ZNF451: variants seen among roughly 807,000 people sequenced by gnomAD.
The protein encoded by ZNF451 is E3 SUMO-protein ligase ZNF451.
ZNF451 carries 80 observed loss-of-function variants against 107.1 expected under a neutral mutation model. The observed-to-expected ratio is 0.75, with a 90% CI of 0.62 to 0.90. The LOEUF is 0.90. Among genes scored for constraint, ZNF451 ranks in the 40% least tolerant of loss-of-function variants. The probability of loss-of-function intolerance (pLI) is 0.00; values close to 1 mark genes in which losing one functional copy is unlikely to be tolerated. For synonymous variants in ZNF451, 362 were observed against 406.5 expected, an observed-to-expected ratio of 0.89 and a Z score of 1.32; for missense variants, 1,107 against 1,236.2, an observed-to-expected ratio of 0.90 and a Z score of 1.57.
At position 57,142,107 on chromosome 6, in the gene ZNF451, T is replaced by C. The variant is rs767235905; in HGVS notation, c.1004+12T>C. ...ACTGCCCATTTCAGGTTTGTATTGG[T>C]CTGGAGCTGTAAAGGAATACGGATG... is the stretch of plus-strand genomic sequence containing the variant. On this transcript the variant is annotated intron_variant, in intron 9 of 14. Coordinates refer to ENST00000370706, the MANE Select transcript of ZNF451 (RefSeq NM_001031623.3). The C allele has an allele frequency of 8.1e-5, 129 of 1,595,406 alleles. No homozygotes were observed. The highest frequency in any genetic ancestry group is 1.1e-4 in the Non-Finnish European group (128 of 1,165,750).
intron 12 of ZNF451, among the ~76,000 whole-genome samples, chr6:57,153,629 TCTCGAACTCCTGAC>T (rs894732553): frequency 1.3e-5 from 2 of 152,128 alleles, no homozygotes; most frequent in African/African-American, 4.8e-5. Flanking sequence ...GCCGGGCTGG[TCTCGAACTCCTGAC>T]CTCAAGCGAT....
At chr6:57,092,361 C>T (rs540646857) in intron 2 of ZNF451, among the ~76,000 whole-genome samples, 22 of 152,138 alleles carry the variant, frequency 1.4e-4, no homozygotes, top group Non-Finnish European at 2.6e-4. Context: ...AGGATCACTT[C>T]CGTCTTTGCA....
At chr6:57,102,387 C>A (rs1465802987) in intron 3 of ZNF451, 1 of 1,079,730 alleles carries the variant, frequency 9.3e-7, no homozygotes, top group African/African-American at 1.7e-5. Context: ...ACTCAGGAAT[C>A]TGAATCCTCT....
At chr6:57,117,009 C>T (rs1486448886) in intron 3 of ZNF451, 1 of 152,074 alleles carries the variant, frequency 6.6e-6, no homozygotes, top group Non-Finnish European at 1.5e-5. Context: ...TCTAAGATGC[C>T]TTTTGTTTTC....
intron 3 of ZNF451, chr6:57,104,276 G>A (rs1451824487): frequency 2.0e-6 from 2 of 985,228 alleles, no homozygotes; most frequent in East Asian, 1.1e-4. Context: ...GCAATCCCAT[G>A]TGCTCTTGAT....
intron 13 of ZNF451, among the ~76,000 whole-genome samples, chr6:57,157,998 A>G (rs918177453): frequency 1.3e-5 from 2 of 152,250 alleles, no homozygotes; most frequent in African/African-American, 2.4e-5. Context: ...ATATGTTGAA[A>G]GAACTTCTTC....
Position 57,124,873 on chromosome 6 carries a change from T to C in ZNF451, c.312+14T>C. ...AGAGCATTCAGAGTATGTGCTATTT[T>C]AATTGGTATTTTATATAATTAAAAA... is the stretch of plus-strand genomic sequence containing the variant. On this transcript the variant is annotated intron_variant, in intron 4 of 14. Transcript: ENST00000370706. The C allele has an allele frequency of 6.8e-7, 1 of 1,474,370 alleles. No individual in the cohort carries two copies. Among genetic ancestry groups the C allele is most frequent in the Non-Finnish European group, 9.0e-7 (1 of 1,108,464 alleles). 91.3% of individuals were successfully genotyped at this position (1,474,370 alleles called of 1,614,324 possible). A position where few individuals can be genotyped will look rare whatever the true frequency, so the allele number is the denominator to read the frequency against.
intron 5 of ZNF451, among the ~76,000 whole-genome samples, chr6:57,129,923 A>C (rs543163781): frequency 1.3e-5 from 2 of 152,262 alleles, no homozygotes; most frequent in South Asian, 4.1e-4. Context: ...TTATGTGAGA[A>C]GCTTATCTAG....
At chr6:57,103,794 A>G in intron 3 of ZNF451, 1 of 985,268 alleles carries the variant, frequency 1.0e-6, no homozygotes, top group Non-Finnish European at 1.2e-6. Context: ...GCACAGTGGT[A>G]ATTGATGTTT....
chr6:57,128,748 A>G lies in ZNF451; in HGVS notation c.332A>G (p.His111Arg), dbSNP rs1000806396. The G allele has an allele frequency of 1.9e-6, 3 of 1,610,484 alleles. No individual in the cohort carries two copies. The African/African-American group carries it at 4.0e-5, about 22-fold the overall frequency. Residue 111 changes from histidine to arginine, a missense_variant, in exon 5 of 15, where the codon CAT becomes CGT. Coordinates refer to ENST00000370706, the MANE Select transcript of ZNF451 (RefSeq NM_001031623.3). ...RAFREKIDFQ[H>R]AHGLQELEFI... ...CTTCAGGAAAAAATTGATTTTCAGC[A>G]TGCTCATGGGTTACAAGAATTGGAA... is the stretch of plus-strand genomic sequence containing the variant.
At position 57,148,274 on chromosome 6, in the gene ZNF451, G is replaced by A. The variant is rs765033825; in HGVS notation, c.2189G>A (p.Cys730Tyr). The change falls in exon 10 of 15, where the codon TGT becomes TAT. Residue 730 changes from cysteine to tyrosine, a missense_variant. By Grantham distance (194) the Cys-to-Tyr change is radical. Around this residue, in one of 5 missense-constraint regions of ZNF451, gnomAD observed 608 missense variants for 649.2 expected, o/e 0.94. Transcript: ENST00000370706. ...LTCGCRESYICKVNRKEDYSR... is the reference protein window; with the variant it reads ...LTCGCRESYIYKVNRKEDYSR... ...TGTGGTTGCCGTGAGAGTTACATCT[G>A]TAAAGTCAACAGAAAAGAAGATTAT... 9.3e-6 allele frequency: 15 copies of A among 1,613,968 alleles called. No homozygotes were observed. In the Admixed American group the frequency reaches 2.3e-4, roughly 25 times the overall value.
intron 3 of ZNF451, chr6:57,101,641 C>T: frequency 6.4e-7 from 1 of 1,550,706 alleles, no homozygotes; most frequent in Non-Finnish European, 8.7e-7. Context: ...CATGGAAGAT[C>T]TGGTTCATGA....
intron 3 of ZNF451, among the ~76,000 whole-genome samples, chr6:57,112,922 A>G (rs1254418140): frequency 6.6e-6 from 1 of 152,236 alleles, no homozygotes; most frequent in Non-Finnish European, 1.5e-5. Context: ...TTAAAAAGCC[A>G]CAAAGTAGTA....
At chr6:57,136,109 T>C (rs1831413597) in intron 7 of ZNF451, among the ~76,000 whole-genome samples, 1 of 152,120 alleles carries the variant, frequency 6.6e-6, no homozygotes. Flanking sequence ...ACTGACTCAT[T>C]AGTTTTTGGA....
intron 3 of ZNF451, among the ~76,000 whole-genome samples, chr6:57,113,754 T>G (rs1442467336): frequency 2.6e-5 from 4 of 151,836 alleles, no homozygotes; most frequent in African/African-American, 4.8e-5. Flanking sequence ...CCCGAGTAGC[T>G]GGGACTACAG....
At chr6:57,104,434 C>T in intron 3 of ZNF451, 1 of 985,316 alleles carries the variant, frequency 1.0e-6, no homozygotes. Context: ...TCCCCTTTTC[C>T]TTCCCTGAAT....
chr6:57,162,992 C>T (rs899455120), intron 14 of ZNF451, among the ~76,000 whole-genome samples: 6 of 152,010 alleles, frequency 3.9e-5, no homozygotes, highest in Non-Finnish European at 7.4e-5. Flanking sequence ...CCAAGAAAAA[C>T]CAAAGGAATG....
At chr6:57,124,332 A>G (rs2127959430) in intron 3 of ZNF451, 3 of 692,608 alleles carry the variant, frequency 4.3e-6, no homozygotes, top group Non-Finnish European at 5.3e-6. Context: ...CTAAGCATCC[A>G]TTAGAGTTTA....
Position 57,133,091 on chromosome 6 carries a change from AG to A in ZNF451, c.476del (p.Gly159GlufsTer15). Reference sequence around the variant, plus strand: ...GTGGAACAAAAAGTTCATTCCGAAGAGGAGGCCACACGTGGGTGTCTGGGAA... The same window carrying A: ...GTGGAACAAAAAGTTCATTCCGAAGAGAGGCCACACGTGGGTGTCTGGGAA... Reference protein sequence around the residue: ...NCGTKSSFRRGGHTWVSGKPI... With the variant: ...NCGTKSSFRRXGHTWVSGKPI... On this transcript the variant is annotated frameshift_variant, in exon 6 of 15. Transcript: ENST00000370706. LOFTEE classifies it high-confidence loss of function. 1 of 1,614,176 alleles carries A rather than the reference AG, an allele frequency of 6.2e-7. No individual in the cohort carries two copies. The highest frequency in any genetic ancestry group is 8.5e-7 in the Non-Finnish European group (1 of 1,180,002).
Sources: gnomAD v4.1 joint callset for allele counts (sites outside exome capture counted in the v4.1 genomes callset) on GRCh38, gnomAD v4.1.1 for gene constraint, gnomAD v4.1.1 regional missense constraint, MANE v1.5 for transcripts, NCBI Gene and HGNC (gene_info 2026-07-23, HGNC 2026-07-21) for gene names.